The following INTS2 variants were observed in gnomAD, a reference collection of about 807,000 sequenced individuals.
INTS2 encodes KIAA1287.
In INTS2, 57 loss-of-function variants were observed where a neutral mutation model predicts 139.6. That is an observed-to-expected ratio of 0.41 (90% CI 0.33 to 0.51). The LOEUF (loss-of-function observed/expected upper bound fraction) is 0.51. Among genes scored for constraint, INTS2 ranks in the 20% least tolerant of loss-of-function variants. The probability of loss-of-function intolerance (pLI) is 0.28; values close to 1 mark genes in which losing one functional copy is unlikely to be tolerated. For missense variants in INTS2, 1,196 were observed against 1,436.7 expected, an observed-to-expected ratio of 0.83 and a Z score of 2.71; for synonymous variants, 473 against 493.4, an observed-to-expected ratio of 0.96 and a Z score of 0.55.
chr17:61,899,723 C>A (rs541429788), intron 9 of INTS2, among the ~76,000 whole-genome samples: 32 of 151,960 alleles, frequency 2.1e-4, no homozygotes, highest in Admixed American at 5.9e-4. Flanking sequence ...CCAGCCTGAG[C>A]AACAAAGTGA....
chr17:61,882,786 A>G lies in INTS2; in HGVS notation c.2090-1615T>C, dbSNP rs150331236. 1.9e-4 allele frequency among the ~76,000 whole-genome samples: 29 copies of G among 152,314 alleles called. No individual in the cohort carries two copies. The highest frequency in any genetic ancestry group is 7.0e-4 in the African/African-American group (29 of 41,574). On this transcript the variant is annotated intron_variant, in intron 16 of 24. Transcript: ENST00000251334. The surrounding 1 kb of genome is among the most constrained non-coding windows in gnomAD (Gnocchi z 4.7). ...TTAGTTAATGAATTAACGAAGTACT[A>G]CTATGCTAAGTGCTTCACACATAAG...
rs1486010608 is a variant in INTS2, at chr17:61,867,382, A to G, written c.*175T>C. 2.4e-5 allele frequency: 10 copies of G among 418,302 alleles called. No individual in the cohort carries two copies. Among genetic ancestry groups the G allele is most frequent in the Non-Finnish European group, 4.2e-5 (10 of 238,014 alleles). 25.9% of individuals were successfully genotyped at this position (418,302 alleles called of 1,614,324 possible). ...GTAGATCCAAAGATGTGCCAATCAGAAACAAGCAAGCATAATTCTCATAAA... is the reference window on the plus strand; with the variant it reads ...GTAGATCCAAAGATGTGCCAATCAGGAACAAGCAAGCATAATTCTCATAAA... On this transcript the variant is annotated 3_prime_UTR_variant, in exon 25 of 25. Coordinates refer to ENST00000251334, the MANE Select transcript of INTS2 (RefSeq NM_001351695.2). This position sits in a 1 kb window ranked among gnomAD's most constrained non-coding sequence, Gnocchi z 5.6.
rs1039605618 is a variant in INTS2 at position 61,872,771 on chromosome 17, T to C, written c.2583-311A>G. Among the ~76,000 whole-genome samples the C allele has an allele frequency of 3.9e-5, 6 of 152,230 alleles. No individual in the cohort carries two copies. The highest frequency in any genetic ancestry group is 6.8e-3 in the Middle Eastern group (2 of 294). ...GCATGAAGAAAAACTGTAATACACG[T>C]ACAAAAAGCTGATATCCTTTATAGA... On this transcript the variant is annotated intron_variant, in intron 19 of 24. Coordinates refer to ENST00000251334, the MANE Select transcript of INTS2 (RefSeq NM_001351695.2). This position sits in a 1 kb window ranked among gnomAD's most constrained non-coding sequence, Gnocchi z 4.8.
intron 9 of INTS2, among the ~76,000 whole-genome samples, chr17:61,903,146 G>A (rs575325605): frequency 2.8e-4 from 35 of 125,296 alleles, no homozygotes; most frequent in Non-Finnish European, 4.8e-4. Context: ...CAGCCTGGGC[G>A]ACAAAGCTAG....
rs745873962 is a variant in INTS2 at position 61,869,494 on chromosome 17, T to A, written c.3031-114A>T. Reference sequence around the variant, plus strand: ...TCTGTAAAAATTGCTCAGAAGGCTATAGTGCCCCATATGTAACCTGGCATT... The same window carrying A: ...TCTGTAAAAATTGCTCAGAAGGCTAAAGTGCCCCATATGTAACCTGGCATT... On this transcript the variant is annotated intron_variant, in intron 21 of 24. Coordinates refer to ENST00000251334, the MANE Select transcript of INTS2 (RefSeq NM_001351695.2). The surrounding 1 kb of genome is among the most constrained non-coding windows in gnomAD (Gnocchi z 5.4). 1.2e-6 allele frequency: 1 copy of A among 855,630 alleles called. No homozygotes were observed. Among genetic ancestry groups the A allele is most frequent in the Non-Finnish European group, 1.8e-6 (1 of 550,130 alleles). 53.0% of individuals were successfully genotyped at this position (855,630 alleles called of 1,614,324 possible).
chr17:61,901,767 G>C (rs1331825486), intron 9 of INTS2, among the ~76,000 whole-genome samples: 1 of 151,226 alleles, frequency 6.6e-6, no homozygotes, highest in Admixed American at 6.6e-5. Context: ...ATATTTTTTT[G>C]TATTTTTTTT....
At chr17:61,926,768 A>G (rs2079720055) in intron 1 of INTS2, 106 bp from the exon 2 acceptor site, 1 of 818,638 alleles carries the variant, frequency 1.2e-6, no homozygotes, top group Non-Finnish European at 2.0e-6. Flanking sequence ...ATAGGTCCCT[A>G]TGTTGGCAAT....
intron 2 of INTS2, 84 bp downstream of exon 2, chr17:61,926,264 TTCTC>T: frequency 9.3e-7 from 1 of 1,073,814 alleles, no homozygotes; most frequent in Non-Finnish European, 1.4e-6. Context: ...TAGATTCTCA[TTCTC>T]TCTTTTCTGG....
chr17:61,888,333 A>T (rs530361188), intron 15 of INTS2, among the ~76,000 whole-genome samples: 1 of 152,248 alleles, frequency 6.6e-6, no homozygotes, highest in South Asian at 2.1e-4. Context: ...ATGCCACTGC[A>T]CTCCAGCCTG....
intron 3 of INTS2, among the ~76,000 whole-genome samples, chr17:61,923,801 C>G (rs993982349): frequency 1.3e-5 from 2 of 152,048 alleles, no homozygotes; most frequent in African/African-American, 4.8e-5. Context: ...TACAGGCATG[C>G]ACCACCACTC....
In INTS2 at chr17:61,870,432, CT is replaced by C. The variant is rs1053639387; in HGVS notation, c.2779-445del. Reference sequence around the variant, plus strand: ...TTCCCAGTATGCTATCCTGATTTCCCTTTTTTTCAACCTGTTTAAGGCTCTG... The same window carrying C: ...TTCCCAGTATGCTATCCTGATTTCCCTTTTTTCAACCTGTTTAAGGCTCTG... On this transcript the variant is annotated intron_variant, in intron 20 of 24. Coordinates refer to ENST00000251334, the MANE Select transcript of INTS2 (RefSeq NM_001351695.2). This position sits in a 1 kb window ranked among gnomAD's most constrained non-coding sequence, Gnocchi z 4.4. 1.3e-5 allele frequency among the ~76,000 whole-genome samples: 2 copies of C among 152,108 alleles called. No individual in the cohort carries two copies. Among genetic ancestry groups the C allele is most frequent in the Non-Finnish European group, 2.9e-5 (2 of 68,016 alleles).
At chr17:61,883,178 T>C (rs2079192907) in intron 16 of INTS2, among the ~76,000 whole-genome samples, 1 of 152,136 alleles carries the variant, frequency 6.6e-6, no homozygotes, top group Non-Finnish European at 1.5e-5. Flanking sequence ...GTATATCAAT[T>C]GCCAAATGCT....
intron 3 of INTS2, among the ~76,000 whole-genome samples, chr17:61,922,849 G>A (rs1440134528): frequency 2.6e-5 from 4 of 151,914 alleles, no homozygotes; most frequent in Non-Finnish European, 4.4e-5. Flanking sequence ...AGGCCGAGGT[G>A]GGAGGATCAC....
At chr17:61,891,458 T>C in intron 14 of INTS2, 55 bp downstream of exon 14, 1 of 1,333,618 alleles carries the variant, frequency 7.5e-7, no homozygotes, top group Non-Finnish European at 1.1e-6. Context: ...ATGGGTTAAG[T>C]AAGAAGAACT....
In INTS2 at chr17:61,909,815, A is replaced by ATGTG. The variant is rs765163741; in HGVS notation, c.954+1701_954+1704dup. The stretch of plus-strand genomic sequence containing the variant: ...TATACATATATACGTGTGTGTGTAC[A>ATGTG]TGTGTGTATGTGTGTGTGTGTGTGT... On this transcript the variant is annotated intron_variant, in intron 7 of 24. Transcript: ENST00000251334. The surrounding 1 kb of genome is among the most constrained non-coding windows in gnomAD (Gnocchi z 4.9). Among the ~76,000 whole-genome samples, 7 of 72,510 alleles carry ATGTG rather than the reference A, an allele frequency of 9.7e-5. No individual in the cohort carries two copies. The highest frequency in any genetic ancestry group is 3.4e-4 in the African/African-American group (7 of 20,600). The allele number at this position is 72,510 out of a possible 152,430, so 47.6% of individuals were successfully genotyped here.
Position 61,869,849 on chromosome 17 carries a change from T to G in INTS2, c.2918A>C (p.Glu973Ala). ...TTSAPNKGME[E>A]GEDNLLCNLR... ...GTTACAGAGCAAATTGTCTTCTCCT[T>G]CCTCCATTCCCTTATTTGGAGCGCT... Residue 973 changes from glutamate (E) to alanine (A), a missense_variant, in exon 21 of 25, where the codon GAA (glutamate) becomes GCA (alanine). Glu to Ala is a moderately radical substitution (Grantham distance 107). Transcript: ENST00000251334. This position sits in a 1 kb window ranked among gnomAD's most constrained non-coding sequence, Gnocchi z 5.4. 3 of 1,613,928 alleles carry G rather than the reference T, an allele frequency of 1.9e-6. No individual in the cohort carries two copies. The highest frequency in any genetic ancestry group is 2.5e-6 in the Non-Finnish European group (3 of 1,179,828).
At chr17:61,908,241 C>T (rs1340349877) in intron 7 of INTS2, among the ~76,000 whole-genome samples, 4 of 152,072 alleles carry the variant, frequency 2.6e-5, no homozygotes, top group African/African-American at 9.7e-5. Flanking sequence ...ATGGTGAAAC[C>T]CCATCTCTAC....
chr17:61,925,137 C>T (rs1422386167), intron 2 of INTS2, 38 bp from the exon 3 acceptor site: 4 of 1,569,764 alleles, frequency 2.5e-6, no homozygotes, highest in Middle Eastern at 3.3e-4. Flanking sequence ...TATGAAAACA[C>T]TGATATGGAA....
At chr17:61,912,175 A>C (rs1467510403) in intron 5 of INTS2, 105 bp from the exon 6 acceptor site, 2 of 1,188,396 alleles carry the variant, frequency 1.7e-6, no homozygotes, top group East Asian at 4.8e-5. Flanking sequence ...ACAACAACAG[A>C]AATTGGCCAA....
Sources: allele counts gnomAD v4.1 joint callset (sites outside exome capture counted in the v4.1 genomes callset), GRCh38; gene constraint gnomAD v4.1.1; non-coding constraint Gnocchi (gnomAD v3.1); transcripts MANE v1.5; gene names NCBI Gene and HGNC (gene_info 2026-07-23, HGNC 2026-07-21).